The following GRM3 variants were observed in gnomAD, a reference collection of about 807,000 sequenced individuals.
The protein encoded by GRM3 is metabotropic glutamate receptor 3.
A neutral mutation model predicts 70.5 loss-of-function variants in GRM3; 26 were observed. That is an observed-to-expected ratio of 0.37 (90% CI 0.27 to 0.51). The LOEUF (loss-of-function observed/expected upper bound fraction) is 0.51. Ranked by LOEUF, GRM3 falls within the 20% of genes least tolerant of loss-of-function variation. GRM3 has a pLI of 0.93. For missense variants in GRM3, 859 were observed against 1,123.8 expected (o/e 0.76, Z 3.37); for synonymous variants, 443 against 434.9 (o/e 1.02, Z -0.23).
At position 86,795,426 on chromosome 7, in the gene GRM3, T is replaced by C. The variant is rs148014302; in HGVS notation, c.1324+8310T>C. 1.6e-3 allele frequency among the ~76,000 whole-genome samples: 246 copies of C among 152,048 alleles called. 4 individuals carry two copies. The East Asian group carries it at 0.046, about 28-fold the overall frequency. ...CATCATCTAGGTATTAAGCCCCACA[T>C]ACATTAGCTATTGATCCTGGTGTTC... On this transcript the variant is annotated intron_variant, in intron 3 of 5. Coordinates refer to ENST00000361669, the MANE Select transcript of GRM3 (RefSeq NM_000840.3).
chr7:86,814,240 A>G (rs1189683369), intron 3 of GRM3, among the ~76,000 whole-genome samples: 1 of 151,482 alleles, frequency 6.6e-6, no homozygotes, highest in Non-Finnish European at 1.5e-5. Context: ...TTTTTCTTTA[A>G]TTTTATTTTT....
chr7:86,745,908 T>C (rs1796090472), intron 1 of GRM3, among the ~76,000 whole-genome samples: 1 of 152,114 alleles, frequency 6.6e-6, no homozygotes. Flanking sequence ...ATCTTGAGTG[T>C]CTGGCATGTA....
intron 2 of GRM3, among the ~76,000 whole-genome samples, chr7:86,771,370 G>A: frequency 6.6e-6 from 1 of 152,078 alleles, no homozygotes; most frequent in Middle Eastern, 3.2e-3. Context: ...TCACTTTGAA[G>A]CAGTAGTCCA....
At chr7:86,848,119 C>G (rs1353194295) in intron 4 of GRM3, among the ~76,000 whole-genome samples, 1 of 152,090 alleles carries the variant, frequency 6.6e-6, no homozygotes, top group African/African-American at 2.4e-5. Context: ...CTTGGTAGGC[C>G]CATGAATTTA....
At chr7:86,682,413 A>AG (rs1371447285) in intron 1 of GRM3, among the ~76,000 whole-genome samples, 2 of 152,186 alleles carry the variant, frequency 1.3e-5, no homozygotes, top group Non-Finnish European at 2.9e-5. Context: ...CTATGTACCC[A>AG]GTAAGATAAA....
intron 1 of GRM3, among the ~76,000 whole-genome samples, chr7:86,662,832 A>G (rs957290410): frequency 2.0e-5 from 3 of 151,820 alleles, no homozygotes; most frequent in South Asian, 2.1e-4. Flanking sequence ...AGCATACCTA[A>G]CCCCAAATAC....
At chr7:86,670,361 G>T (rs1794139939) in intron 1 of GRM3, among the ~76,000 whole-genome samples, 1 of 152,160 alleles carries the variant, frequency 6.6e-6, no homozygotes, top group Non-Finnish European at 1.5e-5. Context: ...AACTGCTAGT[G>T]CTCTACCTCT....
chr7:86,845,245 T>G (rs1284184269), intron 4 of GRM3, among the ~76,000 whole-genome samples: 1 of 152,162 alleles, frequency 6.6e-6, no homozygotes, highest in African/African-American at 2.4e-5. Flanking sequence ...GCATAAGCAG[T>G]ACTCAAAAGA....
chr7:86,855,157 A>G (rs1376545603), intron 5 of GRM3, among the ~76,000 whole-genome samples: 2 of 152,222 alleles, frequency 1.3e-5, no homozygotes, highest in Non-Finnish European at 2.9e-5. Context: ...TAGAAGCAAA[A>G]GAGATTCCCA....
rs1385790218 is a variant in GRM3, at chr7:86,681,836, C to T, written c.-141+36964C>T. On this transcript the variant is annotated intron_variant, in intron 1 of 5. Transcript: ENST00000361669. ...TCTTGCATTTCAAAGAAATAATAAC[C>T]CACTTAAAAGTATAAACTTAGGTTG... is the stretch of plus-strand genomic sequence containing the variant. 3.9e-5 allele frequency among the ~76,000 whole-genome samples: 6 copies of T among 152,146 alleles called. No homozygotes were observed. The East Asian group carries it at 1.2e-3, about 29-fold the overall frequency.
At chr7:86,745,507 G>T (rs1015875749) in intron 1 of GRM3, among the ~76,000 whole-genome samples, 1 of 152,034 alleles carries the variant, frequency 6.6e-6, no homozygotes, top group African/African-American at 2.4e-5. Flanking sequence ...TGGATTCAGG[G>T]CTCAAGGCCA....
chr7:86,746,282 A>T (rs910811152), intron 1 of GRM3, among the ~76,000 whole-genome samples: 5 of 147,748 alleles, frequency 3.4e-5, no homozygotes, highest in African/African-American at 1.3e-4. Context: ...TAGGTCAAAT[A>T]TATCCATACC....
intron 3 of GRM3, among the ~76,000 whole-genome samples, chr7:86,808,874 G>C (rs1797852276): frequency 6.6e-6 from 1 of 152,066 alleles, no homozygotes; most frequent in African/African-American, 2.4e-5. Flanking sequence ...AGTTAGCGTG[G>C]AAGAGACAGA....
chr7:86,774,206 TG>T (rs1303347870), intron 2 of GRM3, among the ~76,000 whole-genome samples: 26 of 152,240 alleles, frequency 1.7e-4, no homozygotes, highest in African/African-American at 6.3e-4. Context: ...TATTTCAATA[TG>T]GAAAGAGCAG....
At chr7:86,789,269 T>A (rs2116564362) in intron 3 of GRM3, among the ~76,000 whole-genome samples, 1 of 152,252 alleles carries the variant, frequency 6.6e-6, no homozygotes, top group East Asian at 1.9e-4. Context: ...AGGTAAATAT[T>A]CTCAGCAGTG....
intron 1 of GRM3, among the ~76,000 whole-genome samples, chr7:86,756,598 A>C (rs1015467775): frequency 6.6e-6 from 1 of 152,132 alleles, no homozygotes; most frequent in Admixed American, 6.6e-5. Flanking sequence ...TACATTACAC[A>C]TATGTGCTGC....
At chr7:86,728,796 A>G (rs1584197456) in intron 1 of GRM3, among the ~76,000 whole-genome samples, 5 of 152,218 alleles carry the variant, frequency 3.3e-5, no homozygotes, top group Admixed American at 6.5e-5. Flanking sequence ...TGAAACTGGT[A>G]AAGTAACTGC....
rs113705518 is a variant in GRM3, at chr7:86,772,379, G to A, written c.468+6766G>A. Among the ~76,000 whole-genome samples the A allele has an allele frequency of 6.6e-5, 10 of 152,200 alleles. 2 individuals are homozygous for A. Among genetic ancestry groups the A allele is most frequent in the African/African-American group, 2.2e-4 (9 of 41,556 alleles). On this transcript the variant is annotated intron_variant, in intron 2 of 5. Coordinates refer to ENST00000361669, the MANE Select transcript of GRM3 (RefSeq NM_000840.3). The stretch of plus-strand genomic sequence containing the variant: ...TGAGAAATAAGCATTTCTCTGCAAT[G>A]GAAGACTTGTTTAGATATAAAAGAC...
In GRM3 at chr7:86,839,960, G is replaced by T. The variant is rs1798530312; in HGVS notation, c.2391+55G>T. The T allele has an allele frequency of 9.8e-7, 1 of 1,024,530 alleles. No homozygotes were observed. Among genetic ancestry groups the T allele is most frequent in the Non-Finnish European group, 1.5e-6 (1 of 665,972 alleles). 63.5% of individuals were successfully genotyped at this position (1,024,530 alleles called of 1,614,324 possible). A position where few individuals can be genotyped will look rare whatever the true frequency, so the allele number is the denominator to read the frequency against. On this transcript the variant is annotated intron_variant, in intron 4 of 5. Coordinates refer to ENST00000361669, the MANE Select transcript of GRM3 (RefSeq NM_000840.3). The surrounding 1 kb of genome is among the most constrained non-coding windows in gnomAD (Gnocchi z 4.5). ...TGTTCTTTCTCCTCCAGTGTTTCTT[G>T]TGTAGTATTTAAAATAGACTCCTTT...
Sources: gnomAD v4.1 joint callset for allele counts (sites outside exome capture counted in the v4.1 genomes callset) on GRCh38, gnomAD v4.1.1 for gene constraint, Gnocchi (gnomAD v3.1) non-coding constraint, MANE v1.5 for transcripts, NCBI Gene and HGNC (gene_info 2026-07-23, HGNC 2026-07-21) for gene names.